NXPE4: variants seen among roughly 807,000 people sequenced by gnomAD.
The protein encoded by NXPE4 is neurexophilin and PC-esterase domain family member 4.
NXPE4 carries 42 observed loss-of-function variants against 33.3 expected under a neutral mutation model. The ratio of observed to expected loss-of-function variants is 1.26; its 90% CI spans 0.98 to 1.63. The LOEUF is 1.63. Ranked by LOEUF, NXPE4 falls within the 40% of genes most tolerant of loss-of-function variation. The probability of loss-of-function intolerance (pLI) is 0.00; values close to 1 mark genes in which losing one functional copy is unlikely to be tolerated. For missense variants in NXPE4, 709 were observed against 647.6 expected (o/e 1.09, Z -1.03); for synonymous variants, 253 against 234.9 (o/e 1.08, Z -0.71).
the NXPE4 span, among the ~76,000 whole-genome samples, chr11:114,641,180 T>A: frequency 6.6e-6 from 1 of 151,810 alleles, no homozygotes; most frequent in Admixed American, 6.6e-5. Context: ...TGAAGAACTC[T>A]CCCAGAAATA....
chr11:114,639,448 G>A, the NXPE4 span, among the ~76,000 whole-genome samples: 3 of 151,520 alleles, frequency 2.0e-5, no homozygotes, highest in Admixed American at 6.6e-5. Context: ...GCTCTGCTTC[G>A]GCTCATGCAC....
At chr11:114,629,921 A>T in the NXPE4 span, among the ~76,000 whole-genome samples, 3 of 150,698 alleles carry the variant, frequency 2.0e-5, no homozygotes, top group African/African-American at 7.3e-5. Context: ...CCCATTCACA[A>T]TTGCTTCAAA....
the NXPE4 span, among the ~76,000 whole-genome samples, chr11:114,601,477 T>G: frequency 1.7e-5 from 2 of 119,972 alleles, no homozygotes; most frequent in African/African-American, 6.3e-5. Flanking sequence ...AAAATTTATA[T>G]AAATTAAATA....
In NXPE4 at chr11:114,580,206, C is replaced by G; in HGVS notation, c.1025G>C (p.Arg342Thr). 1.2e-6 allele frequency: 2 copies of G among 1,614,078 alleles called. No homozygotes were observed. Among genetic ancestry groups the G allele is most frequent in the Non-Finnish European group, 1.7e-6 (2 of 1,179,958 alleles). Reference protein sequence around the residue: ...LATVKMKECLRGKLIYLMGDS... With the variant: ...LATVKMKECLTGKLIYLMGDS... ...TCCCATTAGGTATATGAGTTTTCCT[C>G]TCAGGCATTCCTTCATTTTGACTGT... Residue 342 changes from arginine (R) to threonine (T), a missense_variant, in exon 5 of 6, where the codon AGA (arginine) becomes ACA (threonine). Physicochemically the swap from Arg to Thr is moderately conservative, Grantham distance 71. Transcript: ENST00000375478.
At chr11:114,657,845 T>A in the NXPE4 span, among the ~76,000 whole-genome samples, 1 of 152,162 alleles carries the variant, frequency 6.6e-6, no homozygotes, top group Non-Finnish European at 1.5e-5. Context: ...CAGCCCCAAT[T>A]TTACAGACTG....
chr11:114,626,769 GA>G, the NXPE4 span, among the ~76,000 whole-genome samples: 6 of 152,006 alleles, frequency 3.9e-5, no homozygotes, highest in Admixed American at 2.6e-4. Context: ...TGAAAACTTT[GA>G]AAAAAATTTA....
At chr11:114,638,904 G>GGGGGTCA in the NXPE4 span, among the ~76,000 whole-genome samples, 27,694 of 151,528 alleles carry the variant, frequency 0.18, 2,973 homozygotes, top group African/African-American at 0.29. Context: ...TAGGCTGCTT[G>GGGGGTCA]GGGGTCAGGG....
chr11:114,632,885 T>G, the NXPE4 span, among the ~76,000 whole-genome samples: 2 of 55,896 alleles, frequency 3.6e-5, no homozygotes, highest in South Asian at 1.1e-3. Context: ...TAATTATATA[T>G]TATATAATTT....
chr11:114,601,427 C>G, the NXPE4 span, among the ~76,000 whole-genome samples: 1 of 128,720 alleles, frequency 7.8e-6, no homozygotes, highest in East Asian at 2.1e-4. Context: ...TAATTTTGTT[C>G]TTTTTAAATT....
chr11:114,618,270 T>A, the NXPE4 span, among the ~76,000 whole-genome samples: 3 of 152,038 alleles, frequency 2.0e-5, no homozygotes, highest in African/African-American at 7.2e-5. Context: ...ACCCACTGGA[T>A]AATAAGTATT....
the NXPE4 span, among the ~76,000 whole-genome samples, chr11:114,653,927 C>T: frequency 6.6e-6 from 1 of 152,050 alleles, no homozygotes; most frequent in Non-Finnish European, 1.5e-5. Context: ...GAGGAAGTTC[C>T]CATGATGTCT....
chr11:114,599,397 T>G (rs1477112046), upstream of NXPE4, among the ~76,000 whole-genome samples: 4 of 152,224 alleles, frequency 2.6e-5, no homozygotes. Flanking sequence ...TATTCTTGTC[T>G]TCTTCTGGGC....
the NXPE4 span, among the ~76,000 whole-genome samples, chr11:114,624,225 A>G: frequency 1.3e-5 from 2 of 149,430 alleles, no homozygotes; most frequent in African/African-American, 4.9e-5. Flanking sequence ...TGGATGACAG[A>G]TGTTTCCTCT....
chr11:114,575,611 A>C (rs1948979555), intron 5 of NXPE4, among the ~76,000 whole-genome samples: 1 of 152,082 alleles, frequency 6.6e-6, no homozygotes, highest in Non-Finnish European at 1.5e-5. Flanking sequence ...AATAAAATAA[A>C]ATAAAATAAA....
chr11:114,653,335 G>A, the NXPE4 span, among the ~76,000 whole-genome samples: 1 of 152,078 alleles, frequency 6.6e-6, no homozygotes, highest in Non-Finnish European at 1.5e-5. Context: ...GTCTGTTCTT[G>A]GTACTTTTAT....
the NXPE4 span, among the ~76,000 whole-genome samples, chr11:114,667,149 C>A: frequency 1.2e-3 from 186 of 152,198 alleles, no homozygotes; most frequent in Non-Finnish European, 2.3e-3. Flanking sequence ...AAGATATTTA[C>A]GTGAAGATCC....
the NXPE4 span, among the ~76,000 whole-genome samples, chr11:114,669,259 G>A: frequency 0.092 from 14,003 of 152,036 alleles, 762 homozygotes; most frequent in Middle Eastern, 0.2. Context: ...AACATTTTTT[G>A]AAGAAAATCT....
Position 114,582,805 on chromosome 11 carries a change from G to C in NXPE4, c.313C>G (p.Leu105Val). Residue 105 changes from leucine (L) to valine (V), a missense_variant, in exon 3 of 6, where the codon CTC (leucine) becomes GTC (valine). Coordinates refer to ENST00000375478, the MANE Select transcript of NXPE4 (RefSeq NM_001077639.2). ...TSATHSTATI[L>V]NPRDTYCRGD... ...CTGCAGTACGTATCTCGAGGGTTGA[G>C]GATGGTGGCTGTGCTATGTGTGGCG... 6.2e-7 allele frequency: 1 copy of C among 1,614,160 alleles called. No homozygotes were observed. Among genetic ancestry groups the C allele is most frequent in the Non-Finnish European group, 8.5e-7 (1 of 1,180,002 alleles).
the NXPE4 span, among the ~76,000 whole-genome samples, chr11:114,637,182 T>C: frequency 6.6e-6 from 1 of 151,938 alleles, no homozygotes; most frequent in Admixed American, 6.6e-5. Flanking sequence ...GATAGTTAGC[T>C]CTTCTTGTTG....
Sources: allele counts gnomAD v4.1 joint callset (sites outside exome capture counted in the v4.1 genomes callset), GRCh38; gene constraint gnomAD v4.1.1; transcripts MANE v1.5; gene names NCBI Gene and HGNC (gene_info 2026-07-23, HGNC 2026-07-21).